Variants in NCAPD3 observed in about 807,000 individuals in gnomAD.
NCAPD3 encodes the protein non-SMC condensin II complex subunit D3, also known as condensin-2 complex subunit D3.
In NCAPD3, 105 loss-of-function variants were observed where a neutral mutation model predicts 182.9. That is an observed-to-expected ratio of 0.57 (90% CI 0.49 to 0.68). NCAPD3 has a LOEUF of 0.68. Ranked by LOEUF, NCAPD3 falls within the 30% of genes least tolerant of loss-of-function variation. NCAPD3 has a pLI of 0.00. For missense variants in NCAPD3, 1,944 were observed against 1,837.0 expected, an observed-to-expected ratio of 1.06 and a Z score of -1.07; for synonymous variants, 815 against 679.9, an observed-to-expected ratio of 1.20 and a Z score of -3.09.
chr11:134,181,403 G>A (rs1944293972), intron 19 of NCAPD3, among the ~76,000 whole-genome samples: 1 of 152,168 alleles, frequency 6.6e-6, no homozygotes, highest in South Asian at 2.1e-4. Flanking sequence ...AAAGAACGGT[G>A]TATATATCAT....
Position 134,185,337 on chromosome 11 carries a change from G to A in NCAPD3, c.2235C>T (p.Ser745=). The change falls in exon 17 of 35, where the codon AGC becomes AGT. Residue 745 remains serine, a splice_region_variant and synonymous_variant. Coordinates refer to ENST00000534548, the MANE Select transcript of NCAPD3 (RefSeq NM_015261.3). ...SRIIQSWEKI[S]SQQNPNSNTL... ...TGGTTAAATTAGAAGATACAAACCT[G>A]CTGATTTTCTCCCAAGATTGTATTA... is the stretch of plus-strand genomic sequence containing the variant. 1 of 1,602,074 alleles carries A rather than the reference G, an allele frequency of 6.2e-7. No individual in the cohort carries two copies. Among genetic ancestry groups the A allele is most frequent in the East Asian group, 2.2e-5 (1 of 44,796 alleles).
chr11:134,193,033 GA>G (rs561902502), intron 15 of NCAPD3, 124 bp from the exon 16 acceptor site: 101 of 592,348 alleles, frequency 1.7e-4, no homozygotes, highest in African/African-American at 1.6e-3. Flanking sequence ...AGTGAAAAAA[GA>G]AAAAAATTCA....
intron 27 of NCAPD3, among the ~76,000 whole-genome samples, chr11:134,164,463 A>G (rs1189203958): frequency 6.6e-6 from 1 of 152,218 alleles, no homozygotes; most frequent in Admixed American, 6.5e-5. Flanking sequence ...AGCCATCAGT[A>G]AGAAAGAAGT....
chr11:134,157,022 G>T lies in NCAPD3; in HGVS notation c.4248C>A (p.Pro1416=), dbSNP rs202009125. 1 of 1,611,850 alleles carries T rather than the reference G, an allele frequency of 6.2e-7. No homozygotes were observed. Among genetic ancestry groups the T allele is most frequent in the East Asian group, 2.2e-5 (1 of 44,864 alleles). Residue 1416 remains proline, a synonymous_variant, in exon 32 of 35, where the codon CCC becomes CCA. Coordinates refer to ENST00000534548, the MANE Select transcript of NCAPD3 (RefSeq NM_015261.3). The part of the protein sequence containing the change: ...EHVTKRAIST[P]EKSISDVTFG... ...GTGTTCCGATCAGTTACTCACTCTC[G>T]GGGGTGCTGATGGCCCGCTTGGTCA...
chr11:134,206,478 C>A (rs955855809), intron 8 of NCAPD3, 121 bp downstream of exon 8: 7 of 1,326,150 alleles, frequency 5.3e-6, no homozygotes, highest in Admixed American at 2.2e-5. Flanking sequence ...GCTTGGTTTT[C>A]ACCCCCAAAA....
At chr11:134,165,277 TC>T (rs1943740014) in intron 27 of NCAPD3, among the ~76,000 whole-genome samples, 1 of 143,112 alleles carries the variant, frequency 7.0e-6, no homozygotes, top group African/African-American at 2.7e-5. Context: ...AGCTGCACAC[TC>T]GCTTGTGAGA....
At position 134,153,309 on chromosome 11, in the gene NCAPD3, C is replaced by T. The variant is rs890752834; in HGVS notation, c.4307G>A (p.Arg1436Gln). 1.6e-5 allele frequency: 26 copies of T among 1,614,070 alleles called. No homozygotes were observed. Among genetic ancestry groups the T allele is most frequent in the South Asian group, 4.4e-5 (4 of 91,088 alleles). The part of the protein sequence containing the change: ...GAGVSYIGTP[R>Q]TPSSAKEKIE... Reference sequence around the variant, plus strand: ...CTTGCCTTTGGCTGACGACGGAGTCCGTGGTGTCCCGATGTAACTGACCCC... The same window carrying T: ...CTTGCCTTTGGCTGACGACGGAGTCTGTGGTGTCCCGATGTAACTGACCCC... The change falls in exon 33 of 35, where the codon CGG becomes CAG. Residue 1436 changes from arginine (R) to glutamine (Q), a missense_variant. Coordinates refer to ENST00000534548, the MANE Select transcript of NCAPD3 (RefSeq NM_015261.3).
chr11:134,223,773 C>T, intron 1 of NCAPD3, 90 bp downstream of exon 1: 1 of 1,484,720 alleles, frequency 6.7e-7, no homozygotes, highest in Non-Finnish European at 9.2e-7. Context: ...CACCCCGCCC[C>T]CACCGGCACC....
chr11:134,199,037 C>T (rs1474947410), intron 13 of NCAPD3, among the ~76,000 whole-genome samples: 2 of 151,988 alleles, frequency 1.3e-5, no homozygotes, highest in Admixed American at 6.6e-5. Flanking sequence ...CAGATCAATC[C>T]CTATCAAAAT....
intron 19 of NCAPD3, 103 bp downstream of exon 19, chr11:134,184,534 C>T (rs1591841663): frequency 3.9e-6 from 3 of 763,598 alleles, no homozygotes; most frequent in Non-Finnish European, 2.1e-6. Context: ...CATCCTTACA[C>T]GTCCTCTTAT....
At chr11:134,160,925 G>T (rs1252380862) in intron 28 of NCAPD3, among the ~76,000 whole-genome samples, 1 of 151,490 alleles carries the variant, frequency 6.6e-6, no homozygotes, top group Admixed American at 6.6e-5. Context: ...AGTAGTCTAT[G>T]TAGGATCAAA....
rs1370643025 is a variant in NCAPD3, at chr11:134,150,510, TCATC to T, written c.*2430_*2433del. ...GAGCTTTACTCACGTGGCCCTTGCT[TCATC>T]CAGCACAGCTCTCAGGTGGGCACTG... On this transcript the variant is annotated 3_prime_UTR_variant, in exon 35 of 35. Coordinates refer to ENST00000534548, the MANE Select transcript of NCAPD3 (RefSeq NM_015261.3). The T allele has an allele frequency of 6.6e-6, 1 of 152,256 alleles. No homozygotes were observed. 9.4% of individuals were successfully genotyped at this position (152,256 alleles called of 1,614,324 possible). A position where few individuals can be genotyped will look rare whatever the true frequency, so the allele number is the denominator to read the frequency against.
chr11:134,158,864 ACTCT>A (rs977352208), intron 29 of NCAPD3, among the ~76,000 whole-genome samples: 36 of 151,940 alleles, frequency 2.4e-4, no homozygotes, highest in Admixed American at 9.8e-4. Flanking sequence ...CCAAAAATCC[ACTCT>A]CTAACTCCGT....
intron 24 of NCAPD3, among the ~76,000 whole-genome samples, chr11:134,174,358 G>A (rs1425096181): frequency 8.8e-6 from 1 of 113,432 alleles, no homozygotes; most frequent in Non-Finnish European, 1.6e-5. Context: ...ACTTCAGCCT[G>A]AGCAACAGAA....
At chr11:134,225,170 G>T, upstream of NCAPD3, 1 of 1,614,012 alleles carries the variant, frequency 6.2e-7, no homozygotes, top group South Asian at 1.1e-5. Context: ...AAATCCTTCT[G>T]AACGATGCAG....
chr11:134,208,926 G>A lies in NCAPD3; in HGVS notation c.820C>T (p.Pro274Ser), dbSNP rs1260598737. The A allele has an allele frequency of 6.2e-7, 1 of 1,611,418 alleles. No individual in the cohort carries two copies. Among genetic ancestry groups the A allele is most frequent in the Non-Finnish European group, 8.5e-7 (1 of 1,179,024 alleles). Residue 274 changes from proline to serine, a missense_variant, in exon 7 of 35, where the codon CCA becomes TCA. By Grantham distance (74) the Pro-to-Ser change is moderately conservative (BLOSUM62 -1). Transcript: ENST00000534548. ...ARALNQAKYI[P>S]ELAYYGLYLL... ...TACAATCCATAATAAGCCAGTTCTG[G>A]TATGTATTTTGCTTGGTTAAGAGCT...
At chr11:134,219,949 C>T (rs1409765069) in intron 2 of NCAPD3, among the ~76,000 whole-genome samples, 1 of 152,062 alleles carries the variant, frequency 6.6e-6, no homozygotes, top group African/African-American at 2.4e-5. Flanking sequence ...AAGCCCGCCA[C>T]CACAACCGGC....
intron 22 of NCAPD3, chr11:134,177,711 C>T (rs192188313): frequency 1.7e-5 from 8 of 468,720 alleles, no homozygotes; most frequent in Admixed American, 1.1e-4. Context: ...AAATCATCTT[C>T]CTTTTAAAGT....
chr11:134,220,349 A>T (rs1376110697), intron 2 of NCAPD3, among the ~76,000 whole-genome samples: 4 of 151,864 alleles, frequency 2.6e-5, no homozygotes, highest in Non-Finnish European at 5.9e-5. Flanking sequence ...TTGCTATTGT[A>T]AAAAACAGTC....
Sources: allele counts gnomAD v4.1 joint callset (sites outside exome capture counted in the v4.1 genomes callset), GRCh38; gene constraint gnomAD v4.1.1; transcripts MANE v1.5; gene names NCBI Gene and HGNC (gene_info 2026-07-23, HGNC 2026-07-21).